Variants in SEMA3A observed in about 807,000 individuals in gnomAD.
SEMA3A encodes the protein semaphorin-3A.
In SEMA3A, 29 loss-of-function variants were observed where a neutral mutation model predicts 97.9. The observed-to-expected ratio is 0.30, with a 90% CI of 0.22 to 0.40. The LOEUF is 0.40. Ranked by LOEUF, SEMA3A falls within the 10% of genes least tolerant of loss-of-function variation. The pLI, the probability that SEMA3A is intolerant of heterozygous loss-of-function variation, is 1.00. For missense variants in SEMA3A, 763 were observed against 951.3 expected (o/e 0.80, Z 2.60); for synonymous variants, 321 against 323.7 (o/e 0.99, Z 0.09).
intron 4 of SEMA3A, among the ~76,000 whole-genome samples, chr7:84,101,929 T>C (rs1794969842): frequency 6.6e-6 from 1 of 151,918 alleles, no homozygotes; most frequent in Non-Finnish European, 1.5e-5. Context: ...AATAATTTTA[T>C]ATTGATTACA....
chr7:83,980,221 T>A (rs949788978), intron 14 of SEMA3A, among the ~76,000 whole-genome samples: 5 of 152,110 alleles, frequency 3.3e-5, no homozygotes, highest in African/African-American at 1.2e-4. Context: ...TTTTGTCAAA[T>A]GAAGAAAGAG....
intron 3 of SEMA3A, among the ~76,000 whole-genome samples, chr7:84,243,896 T>C (rs1158623605): frequency 2.0e-5 from 3 of 152,164 alleles, no homozygotes; most frequent in Non-Finnish European, 4.4e-5. Context: ...AGTTTCCATG[T>C]AGTTGTGTGG....
intron 4 of SEMA3A, among the ~76,000 whole-genome samples, chr7:84,070,381 T>C (rs1793694808): frequency 6.6e-6 from 1 of 152,128 alleles, no homozygotes. Context: ...TAATCCAAAG[T>C]CTTATAAATT....
At chr7:84,072,461 C>CGGA (rs1183342738) in intron 4 of SEMA3A, among the ~76,000 whole-genome samples, 1 of 151,874 alleles carries the variant, frequency 6.6e-6, no homozygotes, top group Non-Finnish European at 1.5e-5. Flanking sequence ...TGTAGGCAAG[C>CGGA]GGAGGAGGAA....
Position 84,359,940 on chromosome 7 carries a change from T to C in SEMA3A, c.-169+11884A>G, listed in dbSNP as rs575999501. Reference sequence around the variant, plus strand: ...TTTATTTGCGTAGAGGTGTTTGTAGTATTCTCTGATGGTAGTTTGTATTTC... The same window carrying C: ...TTTATTTGCGTAGAGGTGTTTGTAGCATTCTCTGATGGTAGTTTGTATTTC... On this transcript the variant is annotated intron_variant, in intron 2 of 3. Coordinates refer to the SEMA3A transcript ENST00000424555. Among the ~76,000 whole-genome samples the C allele has an allele frequency of 2.0e-5, 3 of 151,018 alleles. No individual in the cohort carries two copies. The South Asian group carries it at 6.3e-4, about 32-fold the overall frequency.
chr7:84,382,830 A>T (rs1047406416), intron 1 of SEMA3A, among the ~76,000 whole-genome samples: 1 of 151,932 alleles, frequency 6.6e-6, no homozygotes, highest in African/African-American at 2.4e-5. Flanking sequence ...GTGAGCCGAG[A>T]TCATGCCACT....
At chr7:84,046,776 A>G (rs550609483) in intron 5 of SEMA3A, among the ~76,000 whole-genome samples, 1 of 152,050 alleles carries the variant, frequency 6.6e-6, no homozygotes, top group East Asian at 1.9e-4. Context: ...AACTCACAAA[A>G]TGGAAACTAC....
At chr7:84,327,558 A>G (rs974991234) in intron 2 of SEMA3A, among the ~76,000 whole-genome samples, 1 of 152,004 alleles carries the variant, frequency 6.6e-6, no homozygotes, top group African/African-American at 2.4e-5. Flanking sequence ...AATGCATGAG[A>G]GCATGAAAAA....
chr7:84,133,176 A>C (rs952632954), intron 2 of SEMA3A, among the ~76,000 whole-genome samples: 13 of 152,194 alleles, frequency 8.5e-5, no homozygotes, highest in African/African-American at 3.1e-4. Context: ...TTGAATTGAA[A>C]AATCAAAATA....
chr7:84,432,148 G>A (rs1480989981), intron 1 of SEMA3A, among the ~76,000 whole-genome samples: 1 of 151,924 alleles, frequency 6.6e-6, no homozygotes, highest in Non-Finnish European at 1.5e-5. Context: ...CACCCAATCT[G>A]TCATTTATAA....
At chr7:84,324,920 A>G (rs1188290451) in intron 2 of SEMA3A, among the ~76,000 whole-genome samples, 1 of 152,126 alleles carries the variant, frequency 6.6e-6, no homozygotes, top group Non-Finnish European at 1.5e-5. Context: ...AGAAAACACT[A>G]TAATTCGGTA....
intron 12 of SEMA3A, among the ~76,000 whole-genome samples, chr7:83,992,821 A>G (rs1304190366): frequency 6.6e-6 from 1 of 152,106 alleles, no homozygotes; most frequent in African/African-American, 2.4e-5. Flanking sequence ...AGTTCTGTAG[A>G]TGTCTATTAG....
intron 3 of SEMA3A, among the ~76,000 whole-genome samples, chr7:84,302,981 G>A (rs879075824): frequency 2.0e-5 from 3 of 152,162 alleles, no homozygotes; most frequent in Non-Finnish European, 4.4e-5. Context: ...GAAAAGAACA[G>A]TTTGAGGAAA....
intron 2 of SEMA3A, among the ~76,000 whole-genome samples, chr7:84,328,714 T>G: frequency 6.6e-6 from 1 of 152,036 alleles, no homozygotes; most frequent in African/African-American, 2.4e-5. Context: ...ATTCAACAAA[T>G]ATTTTCTAAG....
chr7:84,149,400 C>T (rs2116107911), intron 1 of SEMA3A, among the ~76,000 whole-genome samples: 1 of 152,236 alleles, frequency 6.6e-6, no homozygotes, highest in East Asian at 1.9e-4. Flanking sequence ...GTTTAAGACC[C>T]TTAAGGACAA....
At chr7:84,131,961 T>C (rs925619871) in intron 2 of SEMA3A, among the ~76,000 whole-genome samples, 3 of 151,964 alleles carry the variant, frequency 2.0e-5, no homozygotes, top group African/African-American at 4.8e-5. Context: ...AGCTTATCTG[T>C]GTATTTTATT....
chr7:84,389,860 T>C (rs1390300683), intron 1 of SEMA3A, among the ~76,000 whole-genome samples: 2 of 152,132 alleles, frequency 1.3e-5, no homozygotes, highest in Non-Finnish European at 2.9e-5. Context: ...GATAAAATTG[T>C]AATCATCTAA....
chr7:84,329,512 T>A (rs1268965290), intron 2 of SEMA3A, among the ~76,000 whole-genome samples: 1 of 152,006 alleles, frequency 6.6e-6, no homozygotes, highest in Non-Finnish European at 1.5e-5. Context: ...GCTGGACATG[T>A]GTGGTCATGG....
At chr7:84,334,452 T>C (rs1284759158) in intron 2 of SEMA3A, among the ~76,000 whole-genome samples, 1 of 152,104 alleles carries the variant, frequency 6.6e-6, no homozygotes, top group Non-Finnish European at 1.5e-5. Context: ...ATTACATAAA[T>C]AAGAAAAATA....
Sources: allele counts gnomAD v4.1 joint callset (sites outside exome capture counted in the v4.1 genomes callset), GRCh38; gene constraint gnomAD v4.1.1; transcripts MANE v1.5; gene names NCBI Gene and HGNC (gene_info 2026-07-23, HGNC 2026-07-21).